Variants in PTPRG observed in about 807,000 individuals in gnomAD.
PTPRG encodes the protein protein tyrosine phosphatase receptor type G.
In PTPRG, 102 loss-of-function variants were observed where a neutral mutation model predicts 165.3. That is an observed-to-expected ratio of 0.62 (90% CI 0.53 to 0.73). The LOEUF (loss-of-function observed/expected upper bound fraction) is 0.73. PTPRG is among the 30% of genes least tolerant of loss of function. The probability of loss-of-function intolerance (pLI) is 0.00; values close to 1 mark genes in which losing one functional copy is unlikely to be tolerated. For synonymous variants in PTPRG, 675 were observed against 669.5 expected (o/e 1.01, Z -0.13); for missense variants, 1,866 against 1,861.4 (o/e 1.00, Z -0.05).
intron 1 of PTPRG, among the ~76,000 whole-genome samples, chr3:61,694,008 CAAAAAAAA>C (rs1163062978): frequency 3.1e-5 from 2 of 65,484 alleles, no homozygotes; most frequent in South Asian, 5.1e-4. Flanking sequence ...ACTCCATCTC[CAAAAAAAA>C]AAAAAAAAAA....
intron 2 of PTPRG, among the ~76,000 whole-genome samples, chr3:61,883,889 T>C (rs2037957768): frequency 6.6e-6 from 1 of 152,188 alleles, no homozygotes; most frequent in African/African-American, 2.4e-5. Flanking sequence ...TTTCTGTTTT[T>C]GTTTTTTGTA....
chr3:61,839,969 AAAG>A (rs1344773273), intron 2 of PTPRG, among the ~76,000 whole-genome samples: 1 of 152,148 alleles, frequency 6.6e-6, no homozygotes, highest in Non-Finnish European at 1.5e-5. Context: ...TTCCTCCAAA[AAAG>A]CTGCTATTAA....
intron 2 of PTPRG, among the ~76,000 whole-genome samples, chr3:61,873,909 C>T (rs958454852): frequency 6.6e-6 from 1 of 152,146 alleles, no homozygotes; most frequent in Non-Finnish European, 1.5e-5. Flanking sequence ...CTGTTGCTTC[C>T]CCTTTAAAAT....
rs943598306 is a variant in PTPRG, at chr3:62,271,337, T to C, written c.3010-46T>C. 6 of 1,487,114 alleles carry C rather than the reference T, an allele frequency of 4.0e-6. No individual in the cohort carries two copies. In the African/African-American group the frequency reaches 7.0e-5, roughly 17 times the overall value. 92.1% of individuals were successfully genotyped at this position (1,487,114 alleles called of 1,614,324 possible). A position where few individuals can be genotyped will look rare whatever the true frequency, so the allele number is the denominator to read the frequency against. ...ACCCTTACATTATTTTTTTCCAGAA[T>C]GTCCACCCCCCCGCTTAAAGACATC... On this transcript the variant is annotated intron_variant, in intron 20 of 29. Coordinates refer to ENST00000474889, the MANE Select transcript of PTPRG (RefSeq NM_002841.4). This position sits in a 1 kb window ranked among gnomAD's most constrained non-coding sequence, Gnocchi z 4.1.
rs373825336 is a variant in PTPRG at position 62,080,549 on chromosome 3, G to A, written c.615+2291G>A. Among the ~76,000 whole-genome samples the A allele has an allele frequency of 5.9e-5, 9 of 152,242 alleles. 1 individual carries two copies. The East Asian group carries it at 1.5e-3, about 26-fold the overall frequency. ...TGCTCCTGTGGCCCTGCCGTCAGAT[G>A]CACCCTCGCTTCCTTCTCTGTCATG... is the stretch of plus-strand genomic sequence containing the variant. On this transcript the variant is annotated intron_variant, in intron 5 of 29. Transcript: ENST00000474889.
chr3:61,651,236 A>G (rs1702345680), intron 1 of PTPRG, among the ~76,000 whole-genome samples: 1 of 151,938 alleles, frequency 6.6e-6, no homozygotes, highest in Non-Finnish European at 1.5e-5. Flanking sequence ...ACCATCTGGT[A>G]TCTTGGTAGG....
intron 2 of PTPRG, among the ~76,000 whole-genome samples, chr3:61,987,590 G>T (rs1024967051): frequency 3.3e-5 from 5 of 152,084 alleles, no homozygotes; most frequent in African/African-American, 1.2e-4. Flanking sequence ...TCTGTTGAGT[G>T]TAATTTTATT....
At chr3:61,770,844 A>G (rs1271787860) in intron 2 of PTPRG, 1 of 152,174 alleles carries the variant, frequency 6.6e-6, no homozygotes, top group Non-Finnish European at 1.5e-5. Context: ...TTGCCTGCCA[A>G]GGAATGCTTT....
chr3:61,761,961 A>G (rs967006934), intron 2 of PTPRG, among the ~76,000 whole-genome samples: 3 of 152,142 alleles, frequency 2.0e-5, no homozygotes, highest in African/African-American at 7.2e-5. Flanking sequence ...CAGAGTGTGC[A>G]TGCCATTAGT....
chr3:61,895,928 A>G (rs2038343255), intron 2 of PTPRG, among the ~76,000 whole-genome samples: 2 of 152,126 alleles, frequency 1.3e-5, no homozygotes, highest in South Asian at 2.1e-4. Context: ...ATACAGAGAT[A>G]TCACTTATAT....
chr3:61,857,383 C>T (rs999106313), intron 2 of PTPRG, among the ~76,000 whole-genome samples: 2 of 152,146 alleles, frequency 1.3e-5, no homozygotes, highest in Non-Finnish European at 2.9e-5. Flanking sequence ...GGTAGTGGCT[C>T]TCTACAGCAC....
At chr3:61,803,598 G>A (rs2035323551) in intron 2 of PTPRG, among the ~76,000 whole-genome samples, 1 of 140,208 alleles carries the variant, frequency 7.1e-6, no homozygotes, top group Non-Finnish European at 1.5e-5. Context: ...TACTTGATGA[G>A]TTATTTTTTC....
At chr3:61,936,371 G>C (rs2039484996) in intron 2 of PTPRG, among the ~76,000 whole-genome samples, 2 of 152,184 alleles carry the variant, frequency 1.3e-5, no homozygotes, top group African/African-American at 4.8e-5. Context: ...CAGGTGACTT[G>C]AATCCAGAAC....
intron 5 of PTPRG, among the ~76,000 whole-genome samples, chr3:62,109,320 G>A (rs1231272494): frequency 6.6e-6 from 1 of 152,160 alleles, no homozygotes; most frequent in African/African-American, 2.4e-5. Flanking sequence ...CCCATTGCTT[G>A]TGTGTGTCAG....
intron 2 of PTPRG, among the ~76,000 whole-genome samples, chr3:61,916,351 A>T (rs1477321109): frequency 6.6e-6 from 1 of 152,196 alleles, no homozygotes; most frequent in East Asian, 1.9e-4. Flanking sequence ...TAGTAATGAG[A>T]TTATCATAGT....
Position 62,092,411 on chromosome 3 carries a change from A to G in PTPRG, c.615+14153A>G, listed in dbSNP as rs376249587. 2.8e-5 allele frequency among the ~76,000 whole-genome samples: 4 copies of G among 143,666 alleles called. No homozygotes were observed. The East Asian group carries it at 8.2e-4, about 29-fold the overall frequency. 94.3% of individuals were successfully genotyped at this position (143,666 alleles called of 152,430 possible). Reference sequence around the variant, plus strand: ...GCTGAGATTGTGCCACTGCACTCCAACCTGGGCAACAGAGCAAGAGTCCAT... The same window carrying G: ...GCTGAGATTGTGCCACTGCACTCCAGCCTGGGCAACAGAGCAAGAGTCCAT... On this transcript the variant is annotated intron_variant, in intron 5 of 29. Coordinates refer to ENST00000474889, the MANE Select transcript of PTPRG (RefSeq NM_002841.4).
intron 1 of PTPRG, among the ~76,000 whole-genome samples, chr3:61,708,268 C>G (rs80307599): frequency 0.052 from 7,904 of 151,856 alleles, 263 homozygotes; most frequent in Middle Eastern, 0.15. Context: ...AGTTGGTCTT[C>G]TGTACTAGTG....
chr3:61,599,144 C>CATTA (rs1196398666), intron 1 of PTPRG, among the ~76,000 whole-genome samples: 2 of 152,126 alleles, frequency 1.3e-5, no homozygotes, highest in Non-Finnish European at 2.9e-5. Flanking sequence ...TGCATTAAAC[C>CATTA]ATTAATTAAT....
chr3:62,135,672 C>T (rs1260942408), intron 6 of PTPRG, among the ~76,000 whole-genome samples: 1 of 152,018 alleles, frequency 6.6e-6, no homozygotes, highest in African/African-American at 2.4e-5. Flanking sequence ...ATTTGAAGTG[C>T]AAGAAAGATT....
Sources: allele counts gnomAD v4.1 joint callset (sites outside exome capture counted in the v4.1 genomes callset), GRCh38; gene constraint gnomAD v4.1.1; non-coding constraint Gnocchi (gnomAD v3.1); transcripts MANE v1.5; gene names NCBI Gene and HGNC (gene_info 2026-07-23, HGNC 2026-07-21).